MLLT1: variants seen among roughly 807,000 people sequenced by gnomAD.
The protein encoded by MLLT1 is MLLT1 super elongation complex subunit, also known as protein ENL.
In MLLT1, 11 loss-of-function variants were observed where a neutral mutation model predicts 55.1. The ratio of observed to expected loss-of-function variants is 0.20; its 90% confidence interval spans 0.13 to 0.33. The LOEUF is 0.33. Among genes scored for constraint, MLLT1 ranks in the 10% least tolerant of loss-of-function variants. MLLT1 has a pLI of 1.00. For missense variants in MLLT1, 536 were observed against 760.6 expected (o/e 0.70, Z 3.47); for synonymous variants, 323 against 320.1 (o/e 1.01, Z -0.10).
At position 6,212,616 on chromosome 19, in the gene MLLT1, G is replaced by C. The variant is rs2090788668; in HGVS notation, c.*426C>G. On this transcript the variant is annotated 3_prime_UTR_variant, in exon 12 of 12. Coordinates refer to ENST00000252674, the MANE Select transcript of MLLT1 (RefSeq NM_005934.4). ...CCTTCTGAGGTCCAGGGTGGGCGGA[G>C]GGTGTGTTCTGAACCATTCGGGAGG... is the stretch of plus-strand genomic sequence containing the variant. The C allele has an allele frequency of 2.7e-6, 3 of 1,094,398 alleles. No homozygotes were observed. The highest frequency in any genetic ancestry group is 3.3e-5 in the African/African-American group (2 of 61,290). 67.8% of individuals were successfully genotyped at this position (1,094,398 alleles called of 1,614,324 possible). A position where few individuals can be genotyped will look rare whatever the true frequency, so the allele number is the denominator to read the frequency against.
chr19:6,225,060 T>G (rs2090942009), intron 5 of MLLT1, among the ~76,000 whole-genome samples: 1 of 152,176 alleles, frequency 6.6e-6, no homozygotes. Flanking sequence ...TCTGCGAACC[T>G]CCACGGGAAA....
chr19:6,258,167 TCAAA>T (rs1296946649), intron 3 of MLLT1, among the ~76,000 whole-genome samples: 3 of 152,102 alleles, frequency 2.0e-5, no homozygotes, highest in Admixed American at 6.6e-5. Flanking sequence ...AAACGGGCAC[TCAAA>T]CAAGTACAAA....
intron 7 of MLLT1, chr19:6,216,733 T>G: frequency 1.3e-5 from 7 of 553,168 alleles, no homozygotes; most frequent in African/African-American, 1.9e-5. Context: ...CACCCCTCCC[T>G]ACCTTCCTGG....
At chr19:6,269,959 A>G (rs1302557485) in intron 2 of MLLT1, among the ~76,000 whole-genome samples, 1 of 151,620 alleles carries the variant, frequency 6.6e-6, no homozygotes, top group East Asian at 1.9e-4. Flanking sequence ...CCGATTCCCC[A>G]CCACAGCCTT....
chr19:6,223,609 AG>A (rs2090925628), intron 5 of MLLT1, among the ~76,000 whole-genome samples: 1 of 152,194 alleles, frequency 6.6e-6, no homozygotes, highest in South Asian at 2.1e-4. Context: ...GGCACAGGCC[AG>A]GCTGGCAGCG....
chr19:6,277,461 G>C (rs376559720), intron 1 of MLLT1, among the ~76,000 whole-genome samples: 2 of 152,182 alleles, frequency 1.3e-5, no homozygotes, highest in African/African-American at 4.8e-5. Flanking sequence ...AATGTGGCTG[G>C]TGCGATGGAG....
intron 4 of MLLT1, among the ~76,000 whole-genome samples, chr19:6,228,729 C>A (rs988368096): frequency 6.6e-6 from 1 of 152,124 alleles, no homozygotes; most frequent in African/African-American, 2.4e-5. Flanking sequence ...CGAGAGGAGC[C>A]CCTGCCACCG....
chr19:6,269,038 T>C (rs1244747057), intron 2 of MLLT1, among the ~76,000 whole-genome samples: 1 of 150,434 alleles, frequency 6.6e-6, no homozygotes, highest in South Asian at 2.1e-4. Flanking sequence ...GGTGAGGGGG[T>C]TGGTGAAGAA....
chr19:6,230,268 C>A lies in MLLT1; in HGVS notation c.420+302G>T, dbSNP rs890981684. On this transcript the variant is annotated intron_variant, in intron 4 of 11. Coordinates refer to ENST00000252674, the MANE Select transcript of MLLT1 (RefSeq NM_005934.4). The surrounding 1 kb of genome is among the most constrained non-coding windows in gnomAD (Gnocchi z 9.0). The stretch of plus-strand genomic sequence containing the variant: ...AGCTAGTTACAAGCCAGCTCCAGGC[C>A]CAGCCACGCGGTCAGACCAGCCTCG... Among the ~76,000 whole-genome samples, 1 of 152,206 alleles carries A rather than the reference C, an allele frequency of 6.6e-6. No individual in the cohort carries two copies. Among genetic ancestry groups the A allele is most frequent in the East Asian group, 1.9e-4 (1 of 5,198 alleles).
At chr19:6,246,441 A>G (rs2091169591) in intron 3 of MLLT1, among the ~76,000 whole-genome samples, 1 of 152,178 alleles carries the variant, frequency 6.6e-6, no homozygotes, top group African/African-American at 2.4e-5. Flanking sequence ...GCAGCGGAAC[A>G]CTCCTCGAAA....
intron 2 of MLLT1, among the ~76,000 whole-genome samples, chr19:6,267,040 G>A (rs2091354508): frequency 6.6e-6 from 1 of 152,118 alleles, no homozygotes; most frequent in Non-Finnish European, 1.5e-5. Context: ...AGAGGCGGGA[G>A]GACTGCTTGA....
intron 3 of MLLT1, chr19:6,259,147 G>A (rs1172209695): frequency 6.6e-6 from 1 of 152,188 alleles, no homozygotes; most frequent in Non-Finnish European, 1.5e-5. Context: ...TCCCTACCCA[G>A]TCTGGACACA....
Position 6,212,051 on chromosome 19 carries a change from G to A in MLLT1, c.*991C>T, listed in dbSNP as rs958016251. 1 of 1,066,066 alleles carries A rather than the reference G, an allele frequency of 9.4e-7. No homozygotes were observed. The highest frequency in any genetic ancestry group is 1.6e-5 in the African/African-American group (1 of 61,196). The allele number at this position is 1,066,066 out of a possible 1,614,324, so 66.0% of individuals were successfully genotyped here. ...CTCCATAAACTATCCCGTCTTATTT[G>A]GCAAAAGCTCATATTTTTTTCAAAG... On this transcript the variant is annotated 3_prime_UTR_variant, in exon 12 of 12. Coordinates refer to ENST00000252674, the MANE Select transcript of MLLT1 (RefSeq NM_005934.4).
In MLLT1 at chr19:6,227,449, C is replaced by A. The variant is rs1222886291; in HGVS notation, c.421-347G>T. Among the ~76,000 whole-genome samples the A allele has an allele frequency of 1.3e-5, 2 of 152,214 alleles. No individual in the cohort carries two copies. The highest frequency in any genetic ancestry group is 4.8e-5 in the African/African-American group (2 of 41,448). ...AGCTGCGGCCGAAGCCTGACCTACG[C>A]GCTTAGGTTTAGGGGGAACAGCTCA... is the stretch of plus-strand genomic sequence containing the variant. On this transcript the variant is annotated intron_variant, in intron 4 of 11. Coordinates refer to ENST00000252674, the MANE Select transcript of MLLT1 (RefSeq NM_005934.4). This position sits in a 1 kb window ranked among gnomAD's most constrained non-coding sequence, Gnocchi z 5.1.
Position 6,211,817 on chromosome 19 carries a change from G to C in MLLT1, c.*1225C>G. The C allele has an allele frequency of 9.4e-7, 1 of 1,064,260 alleles. No homozygotes were observed. The highest frequency in any genetic ancestry group is 1.1e-6 in the Non-Finnish European group (1 of 878,550). 65.9% of individuals were successfully genotyped at this position (1,064,260 alleles called of 1,614,324 possible). The stretch of plus-strand genomic sequence containing the variant: ...GAAGAGTGGGCCGGGAAGGAGGACC[G>C]GCTTGGCCCCTGGAGAATCTCAGGC... On this transcript the variant is annotated 3_prime_UTR_variant, in exon 12 of 12. Transcript: ENST00000252674. The surrounding 1 kb of genome is among the most constrained non-coding windows in gnomAD (Gnocchi z 4.6).
intron 3 of MLLT1, among the ~76,000 whole-genome samples, chr19:6,249,775 C>A (rs916773945): frequency 2.0e-5 from 3 of 152,184 alleles, no homozygotes; most frequent in Non-Finnish European, 4.4e-5. Flanking sequence ...GTAATCCCAG[C>A]ACTTTGGGAA....
intron 7 of MLLT1, among the ~76,000 whole-genome samples, chr19:6,217,488 G>A (rs565135313): frequency 5.9e-5 from 9 of 152,304 alleles, no homozygotes; most frequent in African/African-American, 1.7e-4. Flanking sequence ...CCAAAAAGCC[G>A]CCCCTACTCA....
At chr19:6,266,619 C>T (rs770056430) in intron 2 of MLLT1, among the ~76,000 whole-genome samples, 1 of 152,024 alleles carries the variant, frequency 6.6e-6, no homozygotes, top group Non-Finnish European at 1.5e-5. Flanking sequence ...CTGCCCCTGG[C>T]TAACTTTTTG....
chr19:6,258,162 G>A (rs757552061), intron 3 of MLLT1, among the ~76,000 whole-genome samples: 28 of 152,084 alleles, frequency 1.8e-4, no homozygotes, highest in Admixed American at 1.3e-4. Context: ...ACTGAAAACG[G>A]GCACTCAAAC....
Sources: gnomAD v4.1 joint callset for allele counts (sites outside exome capture counted in the v4.1 genomes callset) on GRCh38, gnomAD v4.1.1 for gene constraint, Gnocchi (gnomAD v3.1) non-coding constraint, MANE v1.5 for transcripts, NCBI Gene and HGNC (gene_info 2026-07-23, HGNC 2026-07-21) for gene names.